Variants in PELI2 observed in about 807,000 individuals in gnomAD.
The protein encoded by PELI2 is pellino E3 ubiquitin protein ligase family member 2, also known as E3 ubiquitin-protein ligase pellino homolog 2.
In PELI2, 23 loss-of-function variants were observed where a neutral mutation model predicts 42.3. The observed-to-expected ratio is 0.54, with a 90% CI of 0.39 to 0.77. The LOEUF is 0.77. PELI2 is among the 30% of genes least tolerant of loss of function. PELI2 has a pLI of 0.00. For missense variants in PELI2, 463 were observed against 553.2 expected, an observed-to-expected ratio of 0.84 and a Z score of 1.64; for synonymous variants, 245 against 212.2, an observed-to-expected ratio of 1.15 and a Z score of -1.34.
At chr14:56,207,692 C>A (rs887735513) in intron 2 of PELI2, among the ~76,000 whole-genome samples, 1 of 152,194 alleles carries the variant, frequency 6.6e-6, no homozygotes, top group Admixed American at 6.5e-5. Flanking sequence ...CAGAGCCCCT[C>A]ACTCCAGGTA....
intron 1 of PELI2, chr14:56,144,799 G>A (rs941903984): frequency 6.2e-6 from 1 of 160,028 alleles, no homozygotes; most frequent in Non-Finnish European, 1.3e-5. Flanking sequence ...GATCTTGTTG[G>A]GCCTCTTGCC....
At chr14:56,119,868 C>T (rs1222445747) in intron 1 of PELI2, 5 of 984,338 alleles carry the variant, frequency 5.1e-6, no homozygotes, top group African/African-American at 1.7e-5. Context: ...GATAGGTAGG[C>T]TTAGCACACA....
intron 1 of PELI2, among the ~76,000 whole-genome samples, chr14:56,177,702 A>T (rs914204587): frequency 2.0e-5 from 3 of 152,250 alleles, no homozygotes; most frequent in Admixed American, 6.5e-5. Context: ...TTTGTGGACT[A>T]AAACTCATGT....
At chr14:56,249,876 TC>T in intron 2 of PELI2, among the ~76,000 whole-genome samples, 1 of 152,178 alleles carries the variant, frequency 6.6e-6, no homozygotes, top group East Asian at 1.9e-4. Flanking sequence ...GTCATGCGAA[TC>T]TTGATGTCAC....
intron 1 of PELI2, among the ~76,000 whole-genome samples, chr14:56,166,603 T>G (rs994792102): frequency 1.3e-5 from 2 of 152,300 alleles, no homozygotes; most frequent in African/African-American, 4.8e-5. Flanking sequence ...AAAGTCTTTA[T>G]TTCTTCTTCA....
intron 1 of PELI2, among the ~76,000 whole-genome samples, chr14:56,146,619 G>A (rs533907449): frequency 1.8e-4 from 27 of 152,306 alleles, no homozygotes; most frequent in Non-Finnish European, 3.2e-4. Flanking sequence ...AATGTACACA[G>A]TCATAGGGTC....
intron 2 of PELI2, among the ~76,000 whole-genome samples, chr14:56,216,980 A>G (rs1364819334): frequency 6.6e-6 from 1 of 152,252 alleles, no homozygotes; most frequent in East Asian, 1.9e-4. Flanking sequence ...CTTTGTCAGC[A>G]TCTCAATTGA....
At chr14:56,167,088 C>T (rs1884993038) in intron 1 of PELI2, among the ~76,000 whole-genome samples, 1 of 152,168 alleles carries the variant, frequency 6.6e-6, no homozygotes, top group Non-Finnish European at 1.5e-5. Flanking sequence ...CGCGCCTGGC[C>T]TAGGATCCTT....
intron 1 of PELI2, among the ~76,000 whole-genome samples, chr14:56,123,884 T>TGC (rs1373052472): frequency 6.6e-6 from 1 of 152,236 alleles, no homozygotes; most frequent in Non-Finnish European, 1.5e-5. Flanking sequence ...ATATCTGCTG[T>TGC]GCAGGGCTTG....
chr14:56,176,259 T>C (rs1031830334), intron 1 of PELI2, among the ~76,000 whole-genome samples: 3 of 152,204 alleles, frequency 2.0e-5, no homozygotes, highest in Non-Finnish European at 4.4e-5. Context: ...GGCTGAGGCC[T>C]ATTGACCTGG....
Position 56,118,467 on chromosome 14 carries a change from T to G in PELI2, c.-194T>G. 1 of 317,530 alleles carries G rather than the reference T, an allele frequency of 3.1e-6. No homozygotes were observed. The allele number at this position is 317,530 out of a possible 1,614,324, so 19.7% of individuals were successfully genotyped here. On this transcript the variant is annotated 5_prime_UTR_variant, in exon 1 of 6. Transcript: ENST00000267460. ...CCGCGGCGCGCGGAGCTCCGGGGAG[T>G]CAGGCGGAGCAGCCGCGCAGCCACG...
intron 3 of PELI2, among the ~76,000 whole-genome samples, chr14:56,287,138 T>G (rs749385973): frequency 3.9e-5 from 6 of 152,196 alleles, no homozygotes; most frequent in African/African-American, 7.2e-5. Flanking sequence ...TCCATGGAGA[T>G]GGACAAATCT....
rs1887865158 is a variant in PELI2, at chr14:56,238,317, ATC to A, written c.208-41356_208-41355del. On this transcript the variant is annotated intron_variant, in intron 2 of 5. Transcript: ENST00000267460. ...AGGGGAAGAGATTAAAGTTCTTAAA[ATC>A]TCATTTTACCCAACATTTGATGTCA... Among the ~76,000 whole-genome samples, 4 of 152,272 alleles carry A rather than the reference ATC, an allele frequency of 2.6e-5. No individual in the cohort carries two copies. The South Asian group carries it at 8.3e-4, about 32-fold the overall frequency.
chr14:56,132,163 A>G lies in PELI2; in HGVS notation c.77+13426A>G, dbSNP rs149225558. On this transcript the variant is annotated intron_variant, in intron 1 of 5. Transcript: ENST00000267460. ...GAGATGCCATCCCATTGAACAAATG[A>G]GGAAATGCTGATGCCCAGACACTGA... 2.2e-3 allele frequency among the ~76,000 whole-genome samples: 334 copies of G among 152,312 alleles called. 1 individual carries two copies. The highest frequency in any genetic ancestry group is 7.7e-3 in the African/African-American group (318 of 41,564).
intron 1 of PELI2, among the ~76,000 whole-genome samples, chr14:56,171,402 C>T (rs1049151976): frequency 2.0e-5 from 3 of 152,208 alleles, no homozygotes; most frequent in African/African-American, 7.2e-5. Context: ...TGCAGGCTCT[C>T]TGACCTTGGA....
rs1885525096 is a variant in PELI2 at position 56,180,095 on chromosome 14, G to A, written c.207+1631G>A. On this transcript the variant is annotated intron_variant, in intron 2 of 5. Transcript: ENST00000267460. The surrounding 1 kb of genome is among the most constrained non-coding windows in gnomAD (Gnocchi z 4.4). ...CTAGATTTTACTTCCAAGTTATTTA[G>A]ATTATTAATCTTTTGATAATTGTCA... Among the ~76,000 whole-genome samples the A allele has an allele frequency of 6.6e-6, 1 of 152,008 alleles. No homozygotes were observed. Among genetic ancestry groups the A allele is most frequent in the South Asian group, 2.1e-4 (1 of 4,824 alleles).
chr14:56,292,725 A>G, intron 5 of PELI2: 7 of 959,626 alleles, frequency 7.3e-6, no homozygotes, highest in Middle Eastern at 5.3e-4. Context: ...ACAGCAAATG[A>G]TGGAACCTCA....
At chr14:56,202,140 TG>T (rs1317698193) in intron 2 of PELI2, among the ~76,000 whole-genome samples, 4 of 152,206 alleles carry the variant, frequency 2.6e-5, no homozygotes, top group Non-Finnish European at 4.4e-5. Flanking sequence ...ATTATCCATC[TG>T]GGGCCATAGA....
intron 2 of PELI2, among the ~76,000 whole-genome samples, chr14:56,221,089 T>C (rs1887116055): frequency 6.6e-6 from 1 of 152,164 alleles, no homozygotes; most frequent in Admixed American, 6.5e-5. Context: ...TGGCCATGCT[T>C]TCTAGAAAGC....
Sources: allele counts gnomAD v4.1 joint callset (sites outside exome capture counted in the v4.1 genomes callset), GRCh38; gene constraint gnomAD v4.1.1; non-coding constraint Gnocchi (gnomAD v3.1); transcripts MANE v1.5; gene names NCBI Gene and HGNC (gene_info 2026-07-23, HGNC 2026-07-21).